Variants in TEX29 observed in about 807,000 individuals in gnomAD.
TEX29 encodes testis-expressed protein 29.
In TEX29, 26 loss-of-function variants were observed where a neutral mutation model predicts 18.2. That is an observed-to-expected ratio of 1.43 (90% CI 1.04 to 1.98). The LOEUF (loss-of-function observed/expected upper bound fraction) is 1.98, where lower values mean the gene tolerates loss of function less well. TEX29 is among the 30% of genes most tolerant of loss of function. TEX29 has a pLI of 0.00. For missense variants in TEX29, 177 were observed against 194.2 expected (o/e 0.91, Z 0.53); for synonymous variants, 83 against 78.5 (o/e 1.06, Z -0.31).
chr13:111,334,145 G>A (rs2093686439), intron 3 of TEX29, among the ~76,000 whole-genome samples: 1 of 152,086 alleles, frequency 6.6e-6, no homozygotes, highest in African/African-American at 2.4e-5. Flanking sequence ...TTCTTTGTAT[G>A]TTTGACATTT....
upstream of TEX29, among the ~76,000 whole-genome samples, chr13:111,319,646 GAC>G (rs1595681729): frequency 6.6e-6 from 1 of 152,132 alleles, no homozygotes; most frequent in African/African-American, 2.4e-5. Flanking sequence ...TTAGTTGATT[GAC>G]ACAGTGTCTC....
At chr13:111,316,374 C>G (rs902081133), upstream of TEX29, 1 of 437,592 alleles carries the variant, frequency 2.3e-6, no homozygotes. Flanking sequence ...CCTCGTGGAG[C>G]CCCCGCTGTC....
upstream of TEX29, among the ~76,000 whole-genome samples, chr13:111,319,653 T>G (rs1213982402): frequency 1.3e-5 from 2 of 152,166 alleles, no homozygotes; most frequent in Admixed American, 6.5e-5. Flanking sequence ...ATTGACACAG[T>G]GTCTCCCTCT....
At chr13:111,335,697 C>T (rs956868971) in intron 3 of TEX29, among the ~76,000 whole-genome samples, 3 of 152,196 alleles carry the variant, frequency 2.0e-5, no homozygotes, top group African/African-American at 4.8e-5. Context: ...AAGTGGCAAT[C>T]GTTAGCATCC....
At chr13:111,319,360 G>T (rs1257641197), upstream of TEX29, among the ~76,000 whole-genome samples, 1 of 152,202 alleles carries the variant, frequency 6.6e-6, no homozygotes, top group East Asian at 1.9e-4. Context: ...AATGTGGCAT[G>T]TCCCTGCAGT....
chr13:111,342,978 C>G (rs1242654306), intron 5 of TEX29, 47 bp downstream of exon 5: 1 of 1,594,524 alleles, frequency 6.3e-7, no homozygotes, highest in Non-Finnish European at 8.6e-7. Flanking sequence ...AAGGGCGTGG[C>G]TCTGTTCCCT....
intron 2 of TEX29, 50 bp from the exon 3 acceptor site, chr13:111,328,133 A>C: frequency 8.3e-7 from 1 of 1,210,018 alleles, no homozygotes; most frequent in Non-Finnish European, 1.2e-6. Context: ...CGGAGAGCAG[A>C]GTGGCTTTGT....
intron 3 of TEX29, chr13:111,339,510 C>A: frequency 2.4e-6 from 1 of 416,338 alleles, no homozygotes; most frequent in Non-Finnish European, 4.5e-6. Flanking sequence ...AATGCACCCC[C>A]GGGGGTCATG....
chr13:111,342,577 AG>A (rs1294120844), intron 4 of TEX29, among the ~76,000 whole-genome samples, 178 bp from the exon 5 acceptor site: 7 of 145,322 alleles, frequency 4.8e-5, no homozygotes, highest in African/African-American at 1.6e-4. Context: ...AAAAAAAAAA[AG>A]AGAGAGAGAA....
chr13:111,318,286 C>T (rs1457051235), upstream of TEX29, among the ~76,000 whole-genome samples: 10 of 152,146 alleles, frequency 6.6e-5, no homozygotes, highest in East Asian at 7.7e-4. Flanking sequence ...AAGAACCCCA[C>T]GGCAGCTCCA....
At chr13:111,316,560 A>AG (rs150014155), upstream of TEX29, among the ~76,000 whole-genome samples, 2,467 of 152,314 alleles carry the variant, frequency 0.016, 66 homozygotes, top group African/African-American at 0.056. Flanking sequence ...CCAAAGGGCA[A>AG]GGGCCAGGGA....
intron 5 of TEX29, among the ~76,000 whole-genome samples, chr13:111,343,471 G>A (rs112920663): frequency 2.6e-5 from 4 of 152,246 alleles, no homozygotes; most frequent in Admixed American, 6.5e-5. Flanking sequence ...CCCTGGCCAC[G>A]TGGTGGTCGT....
chr13:111,330,430 C>T (rs1384096446), intron 3 of TEX29, among the ~76,000 whole-genome samples: 1 of 152,210 alleles, frequency 6.6e-6, no homozygotes, highest in Non-Finnish European at 1.5e-5. Flanking sequence ...CTGATGACGA[C>T]GGCTCCTGCA....
intron 2 of TEX29, among the ~76,000 whole-genome samples, chr13:111,326,504 G>A (rs1432790460): frequency 1.3e-4 from 18 of 141,784 alleles, no homozygotes; most frequent in South Asian, 2.3e-4. Context: ...GTGGGGTGGA[G>A]GAGACCACGG....
chr13:111,333,727 T>C (rs773322757), intron 3 of TEX29, among the ~76,000 whole-genome samples: 1 of 151,850 alleles, frequency 6.6e-6, no homozygotes, highest in Non-Finnish European at 1.5e-5. Flanking sequence ...CTTACAATCA[T>C]GCCAGAAGGC....
At chr13:111,319,757 T>C (rs2093660696), upstream of TEX29, among the ~76,000 whole-genome samples, 1 of 152,120 alleles carries the variant, frequency 6.6e-6, no homozygotes, top group Non-Finnish European at 1.5e-5. Flanking sequence ...CCTACCAAGA[T>C]TCTGGGATTA....
chr13:111,338,937 G>A (rs9583597), intron 3 of TEX29, among the ~76,000 whole-genome samples: 18,500 of 152,250 alleles, frequency 0.12, 1,248 homozygotes, highest in Middle Eastern at 0.2. Context: ...CCAATGAGCC[G>A]ACGGAGATCC....
At chr13:111,321,721 C>G (rs527258839) in intron 2 of TEX29, among the ~76,000 whole-genome samples, 1 of 152,048 alleles carries the variant, frequency 6.6e-6, no homozygotes, top group African/African-American at 2.4e-5. Flanking sequence ...TCAGGAGTTC[C>G]AGACCAGCCT....
intron 3 of TEX29, among the ~76,000 whole-genome samples, chr13:111,334,444 A>C (rs2093686841): frequency 6.6e-6 from 1 of 152,268 alleles, no homozygotes; most frequent in Admixed American, 6.5e-5. Flanking sequence ...ACAAAGTCAG[A>C]ATATTTCTAG....
Sources: gnomAD v4.1 joint callset for allele counts (sites outside exome capture counted in the v4.1 genomes callset) on GRCh38, gnomAD v4.1.1 for gene constraint, MANE v1.5 for transcripts, NCBI Gene and HGNC (gene_info 2026-07-23, HGNC 2026-07-21) for gene names.